HS3ST3A1: variants seen among roughly 807,000 people sequenced by gnomAD.
HS3ST3A1 encodes heparan sulfate-glucosamine 3-sulfotransferase 3A1.
Under a neutral mutation model 25.7 loss-of-function variants are expected in HS3ST3A1, and 19 were observed. The ratio of observed to expected loss-of-function variants is 0.74; its 90% CI spans 0.52 to 1.08. The LOEUF (loss-of-function observed/expected upper bound fraction) is 1.08, where lower values mean the gene tolerates loss of function less well. Ranked by LOEUF, HS3ST3A1 falls within the 50% of genes least tolerant of loss-of-function variation. The probability of loss-of-function intolerance (pLI) is 0.00; values close to 1 mark genes in which losing one functional copy is unlikely to be tolerated. For missense variants in HS3ST3A1, 459 were observed against 594.3 expected, an observed-to-expected ratio of 0.77 and a Z score of 2.37; for synonymous variants, 226 against 278.6, an observed-to-expected ratio of 0.81 and a Z score of 1.88.
At chr17:13,512,190 TG>T (rs1905886128) in intron 1 of HS3ST3A1, among the ~76,000 whole-genome samples, 1 of 149,336 alleles carries the variant, frequency 6.7e-6, no homozygotes, top group Non-Finnish European at 1.5e-5. Context: ...TCCCAGCTAC[TG>T]GGGAGGCTGA....
intron 1 of HS3ST3A1, among the ~76,000 whole-genome samples, chr17:13,519,598 C>G (rs113233887): frequency 2.0e-5 from 3 of 152,110 alleles, no homozygotes; most frequent in Admixed American, 2.0e-4. Flanking sequence ...TTAACCCACA[C>G]TAAGAGCCAA....
At chr17:13,523,364 A>T (rs933201449) in intron 1 of HS3ST3A1, among the ~76,000 whole-genome samples, 1 of 152,208 alleles carries the variant, frequency 6.6e-6, no homozygotes, top group African/African-American at 2.4e-5. Context: ...AGTAATGGGT[A>T]AGACAAAGCC....
chr17:13,499,736 G>A (rs1905403733), intron 1 of HS3ST3A1, among the ~76,000 whole-genome samples: 1 of 152,120 alleles, frequency 6.6e-6, no homozygotes, highest in Non-Finnish European at 1.5e-5. Context: ...AATCTCAATA[G>A]AGTAGGGAAA....
chr17:13,529,870 TC>T (rs56146931), intron 1 of HS3ST3A1, among the ~76,000 whole-genome samples: 16,011 of 151,296 alleles, frequency 0.11, 1,009 homozygotes, highest in Non-Finnish European at 0.15. Context: ...GTTCTAGAGC[TC>T]CCCCCCACCC....
rs1316295487 is a variant in HS3ST3A1, at chr17:13,600,875, T to C, written c.255A>G (p.Ala85=). The C allele has an allele frequency of 1.9e-5, 28 of 1,464,456 alleles. No individual in the cohort carries two copies. The highest frequency in any genetic ancestry group is 2.4e-5 in the Non-Finnish European group (27 of 1,116,572). The allele number at this position is 1,464,456 out of a possible 1,614,324, so 90.7% of individuals were successfully genotyped here. A position where few individuals can be genotyped will look rare whatever the true frequency, so the allele number is the denominator to read the frequency against. ...GCAGTTGCAGGAGGCGCTTTCTCTG[T>C]GCCGCCGCCGGCCACACCGCCAGCT... ...PRELAVWPAA[A]QRKRLLQLPQ... Residue 85 remains alanine (A), a synonymous_variant, in exon 1 of 2, where the codon GCA becomes GCG. Coordinates refer to ENST00000284110, the MANE Select transcript of HS3ST3A1 (RefSeq NM_006042.3).
intron 1 of HS3ST3A1, among the ~76,000 whole-genome samples, chr17:13,566,549 G>C (rs1461918361): frequency 6.6e-6 from 1 of 152,226 alleles, no homozygotes; most frequent in Non-Finnish European, 1.5e-5. Flanking sequence ...CATGTTGAAA[G>C]CTGAGACAGG....
intron 1 of HS3ST3A1, among the ~76,000 whole-genome samples, chr17:13,561,772 GA>G (rs1907557765): frequency 6.6e-6 from 1 of 152,112 alleles, no homozygotes; most frequent in Admixed American, 6.5e-5. Flanking sequence ...TCCAGCAGGA[GA>G]TGGACGCCAC....
In HS3ST3A1 at chr17:13,585,186, C is replaced by CTTTTTTTTT. The variant is rs71144977; in HGVS notation, c.599+15336_599+15344dup. Among the ~76,000 whole-genome samples, 128 of 33,246 alleles carry CTTTTTTTTT rather than the reference C, an allele frequency of 3.9e-3. 27 individuals are homozygous for CTTTTTTTTT. The highest frequency in any genetic ancestry group is 4.4e-3 in the Non-Finnish European group (84 of 19,112). The allele number at this position is 33,246 out of a possible 152,430, so 21.8% of individuals were successfully genotyped here. ...CAATCTAAATACTCATTTTTCTGTG[C>CTTTTTTTTT]TTTTTTTTTTTTTTTTTTTTTTTTT... On this transcript the variant is annotated intron_variant, in intron 1 of 1. Transcript: ENST00000284110.
intron 1 of HS3ST3A1, among the ~76,000 whole-genome samples, chr17:13,590,659 A>T (rs928188703): frequency 6.6e-6 from 1 of 152,180 alleles, no homozygotes; most frequent in African/African-American, 2.4e-5. Flanking sequence ...TAATGGTCTG[A>T]CCACTCCAGT....
rs1906509766 is a variant in HS3ST3A1, at chr17:13,528,567, C to T, written c.600-31749G>A. 2.0e-5 allele frequency among the ~76,000 whole-genome samples: 3 copies of T among 152,282 alleles called. No homozygotes were observed. In the South Asian group the frequency reaches 6.2e-4, roughly 32 times the overall value. ...GGTCTGCATGAGGGTCTACCCAATC[C>T]AACTTCCCTCCCTTTACTTGTACAG... On this transcript the variant is annotated intron_variant, in intron 1 of 1. Transcript: ENST00000284110.
intron 1 of HS3ST3A1, among the ~76,000 whole-genome samples, chr17:13,585,457 C>T (rs1481729762): frequency 6.6e-6 from 1 of 151,498 alleles, no homozygotes; most frequent in Non-Finnish European, 1.5e-5. Context: ...GCCTCAGCCT[C>T]CCAAAGTGCT....
chr17:13,593,812 C>G (rs1908501999), intron 1 of HS3ST3A1, among the ~76,000 whole-genome samples: 1 of 152,160 alleles, frequency 6.6e-6, no homozygotes, highest in Non-Finnish European at 1.5e-5. Context: ...TATCATAACC[C>G]TAGAACAGTA....
chr17:13,526,949 G>A (rs1212340567), intron 1 of HS3ST3A1, among the ~76,000 whole-genome samples: 3 of 152,058 alleles, frequency 2.0e-5, no homozygotes, highest in Non-Finnish European at 2.9e-5. Flanking sequence ...CACCGCACCC[G>A]GCCCACAGTG....
chr17:13,589,483 G>C (rs1908362239), intron 1 of HS3ST3A1, among the ~76,000 whole-genome samples: 1 of 152,138 alleles, frequency 6.6e-6, no homozygotes, highest in Non-Finnish European at 1.5e-5. Context: ...TCTGGCTTTG[G>C]GGAAAGCCCT....
intron 1 of HS3ST3A1, among the ~76,000 whole-genome samples, chr17:13,580,637 T>C (rs1908085872): frequency 6.6e-6 from 1 of 152,132 alleles, no homozygotes; most frequent in Non-Finnish European, 1.5e-5. Context: ...TCACGCCTGT[T>C]ATACTAACAC....
chr17:13,595,560 C>T (rs1908551188), intron 1 of HS3ST3A1, among the ~76,000 whole-genome samples: 1 of 152,146 alleles, frequency 6.6e-6, no homozygotes, highest in Non-Finnish European at 1.5e-5. Flanking sequence ...CCTCTGATTA[C>T]ATATTAGAGG....
intron 1 of HS3ST3A1, among the ~76,000 whole-genome samples, chr17:13,502,509 G>T (rs1905513011): frequency 1.3e-5 from 2 of 152,230 alleles, no homozygotes; most frequent in Middle Eastern, 3.4e-3. Context: ...CTTCCCCCAT[G>T]TGCCTCACTC....
At chr17:13,508,351 G>A (rs1367759597) in intron 1 of HS3ST3A1, among the ~76,000 whole-genome samples, 1 of 152,180 alleles carries the variant, frequency 6.6e-6, no homozygotes, top group Non-Finnish European at 1.5e-5. Context: ...CGTTAATTTT[G>A]GGGAACCTCA....
chr17:13,547,976 C>T (rs1354736727), intron 1 of HS3ST3A1, among the ~76,000 whole-genome samples: 1 of 149,380 alleles, frequency 6.7e-6, no homozygotes, highest in Non-Finnish European at 1.5e-5. Flanking sequence ...ACACGTTTGG[C>T]GTCAGGTATG....
Sources: gnomAD v4.1 joint callset for allele counts (sites outside exome capture counted in the v4.1 genomes callset) on GRCh38, gnomAD v4.1.1 for gene constraint, MANE v1.5 for transcripts, NCBI Gene and HGNC (gene_info 2026-07-23, HGNC 2026-07-21) for gene names.